HCN1: variants seen among roughly 807,000 people sequenced by gnomAD.
HCN1 encodes potassium/sodium hyperpolarization-activated cyclic nucleotide-gated channel 1.
In HCN1, 13 loss-of-function variants were observed where a neutral mutation model predicts 78.9. That is an observed-to-expected ratio of 0.16 (90% CI 0.11 to 0.26). The LOEUF (loss-of-function observed/expected upper bound fraction) is 0.26, where lower values mean the gene tolerates loss of function less well. HCN1 is among the 10% of genes least tolerant of loss of function. The pLI is 1.00. For synonymous variants in HCN1, 552 were observed against 455.5 expected, an observed-to-expected ratio of 1.21 and a Z score of -2.70; for missense variants, 810 against 1,154.3, an observed-to-expected ratio of 0.70 and a Z score of 4.32.
chr5:45,334,012 T>G (rs1338912739), intron 5 of HCN1, among the ~76,000 whole-genome samples: 1 of 151,846 alleles, frequency 6.6e-6, no homozygotes, highest in Non-Finnish European at 1.5e-5. Context: ...GAGTTCGGTT[T>G]CCAATTATCT....
intron 2 of HCN1, among the ~76,000 whole-genome samples, chr5:45,587,064 G>A (rs1014125961): frequency 6.6e-6 from 1 of 152,182 alleles, no homozygotes; most frequent in African/African-American, 2.4e-5. Flanking sequence ...TGCTGGAGAG[G>A]ATGTGGAGAA....
At chr5:45,689,539 T>C (rs1255752128) in intron 1 of HCN1, among the ~76,000 whole-genome samples, 1 of 152,080 alleles carries the variant, frequency 6.6e-6, no homozygotes, top group African/African-American at 2.4e-5. Flanking sequence ...ACTAGTTATG[T>C]GGAGTGATAA....
chr5:45,275,742 A>G (rs1745045096), intron 6 of HCN1, among the ~76,000 whole-genome samples: 1 of 152,176 alleles, frequency 6.6e-6, no homozygotes, highest in African/African-American at 2.4e-5. Context: ...GTGTTAGCCC[A>G]TGTGACATAA....
At chr5:45,609,290 G>A (rs896620177) in intron 2 of HCN1, among the ~76,000 whole-genome samples, 4 of 152,152 alleles carry the variant, frequency 2.6e-5, no homozygotes, top group South Asian at 2.1e-4. Flanking sequence ...GCACAACAAC[G>A]ACAGCAAAAT....
At chr5:45,426,708 C>A (rs756834222) in intron 3 of HCN1, among the ~76,000 whole-genome samples, 3 of 152,118 alleles carry the variant, frequency 2.0e-5, no homozygotes, top group Non-Finnish European at 4.4e-5. Context: ...TGAGAACGAA[C>A]TAATACAGTC....
At chr5:45,310,370 T>G (rs1745825925) in intron 5 of HCN1, among the ~76,000 whole-genome samples, 1 of 152,020 alleles carries the variant, frequency 6.6e-6, no homozygotes, top group Non-Finnish European at 1.5e-5. Context: ...GAACAGACAC[T>G]TCTCAAAAGA....
At chr5:45,500,009 G>T (rs1213119764) in intron 2 of HCN1, among the ~76,000 whole-genome samples, 4 of 151,984 alleles carry the variant, frequency 2.6e-5, no homozygotes, top group Non-Finnish European at 4.4e-5. Flanking sequence ...GATTCTAGAA[G>T]TAATTATAAT....
At chr5:45,316,365 C>G (rs575600604) in intron 5 of HCN1, among the ~76,000 whole-genome samples, 34 of 152,208 alleles carry the variant, frequency 2.2e-4, no homozygotes, top group African/African-American at 7.5e-4. Flanking sequence ...ATTCAACACC[C>G]CTTCATGCTA....
intron 3 of HCN1, among the ~76,000 whole-genome samples, chr5:45,397,604 A>G (rs1739712699): frequency 2.6e-5 from 4 of 151,838 alleles, no homozygotes; most frequent in Non-Finnish European, 5.9e-5. Context: ...AATGAAAATG[A>G]GGGGGCTCTG....
chr5:45,372,149 TATA>T (rs1167870385), intron 4 of HCN1, among the ~76,000 whole-genome samples: 4 of 57,316 alleles, frequency 7.0e-5, no homozygotes, highest in South Asian at 5.6e-4. Flanking sequence ...TAATATATTA[TATA>T]ATATGTTATT....
intron 3 of HCN1, among the ~76,000 whole-genome samples, chr5:45,440,145 A>G (rs758972122): frequency 2.1e-4 from 32 of 151,820 alleles, no homozygotes; most frequent in Non-Finnish European, 3.5e-4. Flanking sequence ...AAGTTCAAGC[A>G]TCACTAAAGG....
intron 6 of HCN1, among the ~76,000 whole-genome samples, chr5:45,270,437 G>A (rs1386980783): frequency 6.6e-6 from 1 of 152,168 alleles, no homozygotes; most frequent in Admixed American, 6.5e-5. Context: ...TATGATGCCA[G>A]CCATACAAGA....
intron 2 of HCN1, among the ~76,000 whole-genome samples, chr5:45,542,263 A>G (rs1256294596): frequency 6.6e-6 from 1 of 152,156 alleles, no homozygotes; most frequent in Non-Finnish European, 1.5e-5. Context: ...GTGCAATAAA[A>G]TATAGTTTTA....
intron 5 of HCN1, among the ~76,000 whole-genome samples, chr5:45,324,837 A>T (rs548226754): frequency 5.5e-4 from 83 of 151,914 alleles, no homozygotes; most frequent in Admixed American, 8.6e-4. Flanking sequence ...GTGAAAAAAA[A>T]TTTTTTAAAG....
chr5:45,499,173 C>T (rs768325113), intron 2 of HCN1, among the ~76,000 whole-genome samples: 5 of 152,200 alleles, frequency 3.3e-5, no homozygotes, highest in Non-Finnish European at 5.9e-5. Flanking sequence ...GGGCACCCCT[C>T]CCCGAGCTTT....
At chr5:45,497,810 G>C (rs1293553333) in intron 2 of HCN1, among the ~76,000 whole-genome samples, 2 of 152,182 alleles carry the variant, frequency 1.3e-5, no homozygotes, top group African/African-American at 4.8e-5. Context: ...GCATTTGCTT[G>C]TCTGTAAAGG....
intron 3 of HCN1, among the ~76,000 whole-genome samples, chr5:45,457,189 C>A (rs1339332321): frequency 2.0e-5 from 3 of 152,018 alleles, no homozygotes; most frequent in Admixed American, 6.6e-5. Flanking sequence ...TCTATAAAGT[C>A]ATTCCCTAGG....
At chr5:45,576,968 AT>A (rs1040684433) in intron 2 of HCN1, among the ~76,000 whole-genome samples, 2 of 152,066 alleles carry the variant, frequency 1.3e-5, no homozygotes, top group African/African-American at 4.8e-5. Flanking sequence ...AACTTAAAGC[AT>A]TCTTTTTATA....
chr5:45,425,404 A>G (rs1287517519), intron 3 of HCN1, among the ~76,000 whole-genome samples: 2 of 152,242 alleles, frequency 1.3e-5, no homozygotes, highest in Non-Finnish European at 2.9e-5. Context: ...TGCATAAAAT[A>G]ACTCTAGGAT....
Sources: gnomAD v4.1 joint callset for allele counts (sites outside exome capture counted in the v4.1 genomes callset) on GRCh38, gnomAD v4.1.1 for gene constraint, MANE v1.5 for transcripts, NCBI Gene and HGNC (gene_info 2026-07-23, HGNC 2026-07-21) for gene names.